Variants in CNTN6 observed in about 807,000 individuals in gnomAD.
CNTN6 encodes the protein contactin 6.
A neutral mutation model predicts 122.8 loss-of-function variants in CNTN6; 137 were observed. That is an observed-to-expected ratio of 1.12 (90% CI 0.97 to 1.29). The LOEUF is 1.29. Among genes scored for constraint, CNTN6 ranks in the 50% most tolerant of loss-of-function variants. CNTN6 has a pLI of 0.00. For synonymous variants in CNTN6, 570 were observed against 426.0 expected, an observed-to-expected ratio of 1.34 and a Z score of -4.16; for missense variants, 1,634 against 1,223.4, an observed-to-expected ratio of 1.34 and a Z score of -5.01.
At chr3:1,108,307 A>G (rs2091321075) in intron 1 of CNTN6, among the ~76,000 whole-genome samples, 1 of 152,108 alleles carries the variant, frequency 6.6e-6, no homozygotes, top group Admixed American at 6.6e-5. Context: ...ATAATGAGAT[A>G]TCTTGGGGAT....
chr3:1,282,451 A>C (rs1272722979), intron 5 of CNTN6, among the ~76,000 whole-genome samples: 1 of 152,228 alleles, frequency 6.6e-6, no homozygotes, highest in Non-Finnish European at 1.5e-5. Context: ...CAGAATAGGC[A>C]CCATTCTCTG....
intron 11 of CNTN6, among the ~76,000 whole-genome samples, chr3:1,345,844 A>G (rs1704604981): frequency 6.6e-6 from 1 of 152,264 alleles, no homozygotes; most frequent in South Asian, 2.1e-4. Flanking sequence ...AAAATTAGAG[A>G]ATCAATTAAA....
At chr3:1,380,895 A>T (rs1051096992) in intron 17 of CNTN6, among the ~76,000 whole-genome samples, 16 of 152,220 alleles carry the variant, frequency 1.1e-4, no homozygotes, top group Non-Finnish European at 1.9e-4. Context: ...TCCCAGGAGA[A>T]TTTCACAATT....
At chr3:1,206,101 G>C (rs555964266) in intron 2 of CNTN6, among the ~76,000 whole-genome samples, 1 of 152,062 alleles carries the variant, frequency 6.6e-6, no homozygotes, top group South Asian at 2.1e-4. Context: ...TAATTGCAGG[G>C]TACTCTGCAA....
At chr3:1,151,873 G>T (rs1352736878) in intron 2 of CNTN6, among the ~76,000 whole-genome samples, 2 of 151,688 alleles carry the variant, frequency 1.3e-5, no homozygotes, top group Admixed American at 6.6e-5. Flanking sequence ...GCAAATAAAA[G>T]AATTTTAAGA....
At chr3:1,298,667 G>C (rs376128) in intron 7 of CNTN6, among the ~76,000 whole-genome samples, 1 of 152,020 alleles carries the variant, frequency 6.6e-6, no homozygotes, top group South Asian at 2.1e-4. Context: ...AAAAAAAGAA[G>C]GAGACAGATA....
chr3:1,308,287 T>TTG (rs113198519), intron 7 of CNTN6, among the ~76,000 whole-genome samples: 26,611 of 144,574 alleles, frequency 0.18, 2,510 homozygotes, highest in African/African-American at 0.23. Context: ...ATGGGGTGTT[T>TTG]TGTGTGTGTG....
intron 7 of CNTN6, among the ~76,000 whole-genome samples, chr3:1,316,700 A>G (rs1422709426): frequency 6.6e-6 from 1 of 151,692 alleles, no homozygotes; most frequent in Non-Finnish European, 1.5e-5. Flanking sequence ...CATACATAGT[A>G]TTATACTAGT....
chr3:1,274,446 G>A (rs1691946432), intron 4 of CNTN6, among the ~76,000 whole-genome samples: 1 of 152,184 alleles, frequency 6.6e-6, no homozygotes, highest in Non-Finnish European at 1.5e-5. Context: ...GGAAGGGGGT[G>A]TAGTTGAGGA....
intron 5 of CNTN6, among the ~76,000 whole-genome samples, chr3:1,294,510 G>C (rs262804): frequency 0.25 from 37,910 of 151,964 alleles, 4,906 homozygotes; most frequent in Non-Finnish European, 0.28. Context: ...GGTTACAGGG[G>C]GTATATAATG....
chr3:1,167,115 A>C (rs2125275153), intron 2 of CNTN6, among the ~76,000 whole-genome samples: 1 of 152,132 alleles, frequency 6.6e-6, no homozygotes, highest in South Asian at 2.1e-4. Context: ...TGAAAGACAA[A>C]TTATAAATGG....
At chr3:1,112,329 T>C (rs1180704578) in intron 1 of CNTN6, among the ~76,000 whole-genome samples, 1 of 152,154 alleles carries the variant, frequency 6.6e-6, no homozygotes, top group African/African-American at 2.4e-5. Flanking sequence ...TTATGCAGAC[T>C]GAAAAGTCCC....
chr3:1,372,451 G>T lies in CNTN6; in HGVS notation c.1645G>T (p.Ala549Ser). ...GDVIDLKKGV[A>S]HFERIGGESV... ...TGTCATAGACTTAAAAAAAGGAGTGGCTCATTTTGAAAGGATTGGAGGAGT... is the reference window on the plus strand; with the variant it reads ...TGTCATAGACTTAAAAAAAGGAGTGTCTCATTTTGAAAGGATTGGAGGAGT... Residue 549 changes from alanine (A) to serine (S), a missense_variant, in exon 13 of 23, where the codon GCT becomes TCT. Ala to Ser is a moderately conservative substitution (Grantham distance 99, BLOSUM62 1). Transcript: ENST00000446702. 6.2e-7 allele frequency: 1 copy of T among 1,610,634 alleles called. No individual in the cohort carries two copies. The highest frequency in any genetic ancestry group is 8.5e-7 in the Non-Finnish European group (1 of 1,178,718).
intron 2 of CNTN6, among the ~76,000 whole-genome samples, chr3:1,191,667 G>A (rs555645065): frequency 2.0e-5 from 3 of 152,302 alleles, no homozygotes; most frequent in East Asian, 3.9e-4. Flanking sequence ...GCCAAGTTGA[G>A]CAGAAGTGTG....
At chr3:1,196,577 T>C (rs2093781999) in intron 2 of CNTN6, among the ~76,000 whole-genome samples, 1 of 152,172 alleles carries the variant, frequency 6.6e-6, no homozygotes, top group Non-Finnish European at 1.5e-5. Context: ...TGATGAGGGT[T>C]AACTGACATT....
chr3:1,108,371 A>G (rs561778696), intron 1 of CNTN6, among the ~76,000 whole-genome samples: 1 of 152,184 alleles, frequency 6.6e-6, no homozygotes, highest in African/African-American at 2.4e-5. Context: ...AGCTTTATAC[A>G]TATAACCTGA....
chr3:1,147,629 A>T (rs1311765898), intron 1 of CNTN6, among the ~76,000 whole-genome samples: 2 of 152,118 alleles, frequency 1.3e-5, no homozygotes, highest in African/African-American at 4.8e-5. Context: ...CTGAAAGATA[A>T]CACTGCTAGA....
rs1272052113 is a variant in CNTN6 at position 1,270,200 on chromosome 3, T to C, written c.359-8213T>C. On this transcript the variant is annotated intron_variant, in intron 4 of 22. Transcript: ENST00000446702. ...AAACTGGTTTCAGTAGAGATATTTC[T>C]CTGTGCCAATTAATAAAGGCATGGG... is the stretch of plus-strand genomic sequence containing the variant. Among the ~76,000 whole-genome samples the C allele has an allele frequency of 2.0e-5, 3 of 152,176 alleles. No homozygotes were observed. In the East Asian group the frequency reaches 5.8e-4, roughly 29 times the overall value.
chr3:1,358,303 T>C (rs989090868), intron 12 of CNTN6, among the ~76,000 whole-genome samples: 1 of 151,976 alleles, frequency 6.6e-6, no homozygotes. Flanking sequence ...TGCAAACACT[T>C]GTGCTCACTT....
Sources: gnomAD v4.1 joint callset for allele counts (sites outside exome capture counted in the v4.1 genomes callset) on GRCh38, gnomAD v4.1.1 for gene constraint, MANE v1.5 for transcripts, NCBI Gene and HGNC (gene_info 2026-07-23, HGNC 2026-07-21) for gene names.